ERN1: variants seen among roughly 807,000 people sequenced by gnomAD.
ERN1 encodes serine/threonine-protein kinase/endoribonuclease IRE1.
A neutral mutation model predicts 113.1 loss-of-function variants in ERN1; 39 were observed. That is an observed-to-expected ratio of 0.34 (90% CI 0.27 to 0.45). The LOEUF (loss-of-function observed/expected upper bound fraction) is 0.45, where lower values mean the gene tolerates loss of function less well. Ranked by LOEUF, ERN1 falls within the 20% of genes least tolerant of loss-of-function variation. The pLI is 1.00. For missense variants in ERN1, 976 were observed against 1,274.8 expected (o/e 0.77, Z 3.57); for synonymous variants, 507 against 515.9 (o/e 0.98, Z 0.23).
intron 1 of ERN1, among the ~76,000 whole-genome samples, chr17:64,125,712 C>T (rs112913744): frequency 0.026 from 3,990 of 152,288 alleles, 70 homozygotes; most frequent in Non-Finnish European, 0.035. Context: ...TGCTCTCGAA[C>T]GCCTGACCTC....
Position 64,064,055 on chromosome 17 carries a change from C to T in ERN1, c.1018G>A (p.Val340Ile), listed in dbSNP as rs755544887. The T allele has an allele frequency of 1.8e-5, 29 of 1,613,898 alleles. No homozygotes were observed. The East Asian group carries it at 2.0e-4, about 11-fold the overall frequency. Residue 340 changes from valine to isoleucine, a missense_variant, in exon 10 of 22, where the codon GTC becomes ATC. Coordinates refer to ENST00000433197, the MANE Select transcript of ERN1 (RefSeq NM_001433.5). ...CTTTTGAGTCCGGGATCAAACTTGA[C>T]GTCCGTGCTGGGCGTGATCACACAC... ...GECVITPSTD[V>I]KFDPGLKSKN...
intron 15 of ERN1, among the ~76,000 whole-genome samples, chr17:64,053,812 T>TG (rs1373190823): frequency 2.0e-5 from 3 of 152,302 alleles, no homozygotes; most frequent in Admixed American, 2.0e-4. Flanking sequence ...CCAGGCATGC[T>TG]GGGGGGACCA....
chr17:64,074,536 G>T (rs1056600005), intron 5 of ERN1, among the ~76,000 whole-genome samples: 2 of 152,196 alleles, frequency 1.3e-5, no homozygotes, highest in Admixed American at 6.5e-5. Flanking sequence ...AAAGCTCCTC[G>T]AGGCATGAAT....
chr17:64,126,008 A>C (rs758128741), intron 1 of ERN1, among the ~76,000 whole-genome samples: 1 of 152,220 alleles, frequency 6.6e-6, no homozygotes, highest in Non-Finnish European at 1.5e-5. Context: ...AAGACTGTCT[A>C]AAACCAGCTG....
chr17:64,080,936 A>G (rs917906923), intron 2 of ERN1, 128 bp from the exon 3 acceptor site: 8 of 821,960 alleles, frequency 9.7e-6, no homozygotes, highest in Non-Finnish European at 1.6e-5. Flanking sequence ...TACATGGGCT[A>G]GTGCACGTGA....
intron 2 of ERN1, among the ~76,000 whole-genome samples, chr17:64,091,917 C>T (rs1330386621): frequency 6.6e-6 from 1 of 152,180 alleles, no homozygotes; most frequent in African/African-American, 2.4e-5. Context: ...CTCACGCTCC[C>T]TATTTATCCT....
At chr17:64,102,815 A>C (rs1914423314) in intron 1 of ERN1, 1 of 985,406 alleles carries the variant, frequency 1.0e-6, no homozygotes, top group African/African-American at 1.7e-5. Context: ...CTGAAAATGG[A>C]AAGAAAATGT....
chr17:64,080,798 C>T lies in ERN1; in HGVS notation c.186G>A (p.Leu62=), dbSNP rs1402653805. ...IKWTLKEDPV[L]QVPTHVEEPA... ...ACTCTTCCACATGTGTTGGGACCTG[C>T]AGGACTGGATCTGTGCAAAAGAACA... Residue 62 remains leucine, a synonymous_variant, in exon 3 of 22, where the codon CTG becomes CTA. Transcript: ENST00000433197. The T allele has an allele frequency of 1.2e-6, 2 of 1,610,598 alleles. No homozygotes were observed. The highest frequency in any genetic ancestry group is 3.4e-5 in the Admixed American group (2 of 59,530).
intron 1 of ERN1, among the ~76,000 whole-genome samples, chr17:64,122,932 G>A (rs1396907163): frequency 6.6e-6 from 1 of 151,996 alleles, no homozygotes; most frequent in Non-Finnish European, 1.5e-5. Flanking sequence ...TTTTGAAAGG[G>A]ACATTTTTTT....
At chr17:64,108,762 T>C (rs571413944) in intron 1 of ERN1, among the ~76,000 whole-genome samples, 3 of 152,348 alleles carry the variant, frequency 2.0e-5, no homozygotes, top group East Asian at 3.9e-4. Context: ...ATGTGCACCA[T>C]TGGCCTTACA....
chr17:64,061,815 G>A (rs1172206863), intron 10 of ERN1, among the ~76,000 whole-genome samples: 2 of 152,228 alleles, frequency 1.3e-5, no homozygotes, highest in Non-Finnish European at 2.9e-5. Flanking sequence ...AGAAAAGTGA[G>A]GTGTTCTTCC....
intron 2 of ERN1, among the ~76,000 whole-genome samples, chr17:64,084,849 C>T (rs1336764520): frequency 6.6e-6 from 1 of 152,210 alleles, no homozygotes; most frequent in East Asian, 1.9e-4. Flanking sequence ...CACTGCCAGG[C>T]CTGCCCATGC....
chr17:64,046,115 A>G (rs959977133), intron 19 of ERN1, among the ~76,000 whole-genome samples: 3 of 152,248 alleles, frequency 2.0e-5, no homozygotes, highest in African/African-American at 4.8e-5. Context: ...ACAGGTCGAC[A>G]GCTGAGGACA....
At chr17:64,122,376 T>C (rs1914977214) in intron 1 of ERN1, among the ~76,000 whole-genome samples, 1 of 152,162 alleles carries the variant, frequency 6.6e-6, no homozygotes, top group African/African-American at 2.4e-5. Flanking sequence ...GTGCGCCATA[T>C]TTCTTATGTG....
At chr17:64,059,501 C>G (rs1279552272) in intron 11 of ERN1, among the ~76,000 whole-genome samples, 3 of 152,210 alleles carry the variant, frequency 2.0e-5, no homozygotes, top group Admixed American at 1.3e-4. Flanking sequence ...TGGGTTCCCT[C>G]CTGCAGAGCC....
chr17:64,080,695 C>T, intron 3 of ERN1, 80 bp downstream of exon 3: 1 of 1,331,844 alleles, frequency 7.5e-7, no homozygotes. Flanking sequence ...ATATGCACTC[C>T]CAGCAACTGG....
intron 1 of ERN1, among the ~76,000 whole-genome samples, chr17:64,111,029 T>C (rs182316145): frequency 4.3e-4 from 66 of 152,166 alleles, no homozygotes; most frequent in African/African-American, 1.4e-3. Flanking sequence ...ATAGCAAACC[T>C]ATGGGCTCAA....
At chr17:64,115,412 A>C (rs942132352) in intron 1 of ERN1, among the ~76,000 whole-genome samples, 2 of 152,190 alleles carry the variant, frequency 1.3e-5, no homozygotes, top group African/African-American at 4.8e-5. Context: ...AAGGCCTGTA[A>C]AACTCCTGGC....
chr17:64,054,092 G>A lies in ERN1; in HGVS notation c.1953+158C>T, dbSNP rs1045221429. The A allele has an allele frequency of 3.8e-5, 23 of 611,612 alleles. No homozygotes were observed. Among genetic ancestry groups the A allele is most frequent in the Admixed American group, 2.1e-4 (7 of 33,184 alleles). The allele number at this position is 611,612 out of a possible 1,614,324, so 37.9% of individuals were successfully genotyped here. A position where few individuals can be genotyped will look rare whatever the true frequency, so the allele number is the denominator to read the frequency against. ...GTAGCTGGGGCTACAGGAACACATC[G>A]CTAGGCCTGGCTAATTTTTGGTTTC... On this transcript the variant is annotated intron_variant, in intron 15 of 21. Transcript: ENST00000433197. The surrounding 1 kb of genome is among the most constrained non-coding windows in gnomAD (Gnocchi z 4.9).
Sources: gnomAD v4.1 joint callset for allele counts (sites outside exome capture counted in the v4.1 genomes callset) on GRCh38, gnomAD v4.1.1 for gene constraint, Gnocchi (gnomAD v3.1) non-coding constraint, MANE v1.5 for transcripts, NCBI Gene and HGNC (gene_info 2026-07-23, HGNC 2026-07-21) for gene names.